PI15: variants seen among roughly 807,000 people sequenced by gnomAD.
PI15 encodes 25 kDa trypsin inhibitor.
A neutral mutation model predicts 31.0 loss-of-function variants in PI15; 18 were observed. The observed-to-expected ratio is 0.58, with a 90% CI of 0.40 to 0.86. PI15 has a LOEUF of 0.86. Among genes scored for constraint, PI15 ranks in the 40% least tolerant of loss-of-function variants. The probability of loss-of-function intolerance (pLI) is 0.00; values close to 1 mark genes in which losing one functional copy is unlikely to be tolerated. For synonymous variants in PI15, 118 were observed against 119.1 expected, an observed-to-expected ratio of 0.99 and a Z score of 0.06; for missense variants, 282 against 328.1, an observed-to-expected ratio of 0.86 and a Z score of 1.09.
At chr8:74,824,871 G>T in intron 1 of PI15, 196 bp downstream of exon 1, 1 of 197,964 alleles carries the variant, frequency 5.1e-6, no homozygotes. Context: ...CACTCTCCAG[G>T]TGAATTTCAA....
intron 2 of PI15, 106 bp downstream of exon 2, chr8:74,825,628 T>C: frequency 1.1e-6 from 1 of 884,556 alleles, no homozygotes; most frequent in Non-Finnish European, 1.7e-6. Flanking sequence ...TCCGGGTATA[T>C]GGACTTTTTA....
intron 5 of PI15, chr8:74,845,792 A>T (rs1811017494): frequency 3.3e-6 from 1 of 301,350 alleles, no homozygotes; most frequent in East Asian, 6.1e-5. Context: ...ACTGTACCAC[A>T]CAAGCTTTTA....
chr8:74,836,819 T>G (rs1810879477), intron 2 of PI15, among the ~76,000 whole-genome samples: 7 of 150,874 alleles, frequency 4.6e-5, no homozygotes, highest in Admixed American at 2.0e-4. Flanking sequence ...TTGGGTGGAG[T>G]GGGGATGGGG....
At chr8:74,844,383 T>C (rs954513708) in intron 3 of PI15, among the ~76,000 whole-genome samples, 9 of 152,002 alleles carry the variant, frequency 5.9e-5, no homozygotes, top group African/African-American at 2.2e-4. Context: ...GTGCTGTATC[T>C]TGCCCCCTCC....
chr8:74,845,507 A>G lies in PI15; in HGVS notation c.641+10A>G, dbSNP rs1236266737. 6.5e-7 allele frequency: 1 copy of G among 1,529,410 alleles called. No homozygotes were observed. Among genetic ancestry groups the G allele is most frequent in the South Asian group, 1.1e-5 (1 of 89,254 alleles). 94.7% of individuals were successfully genotyped at this position (1,529,410 alleles called of 1,614,324 possible). Reference sequence around the variant, plus strand: ...GCAACTATGCCCCAAAGTAAGTACCAGGTTGGATTCTATTTCCTGGATCCT... The same window carrying G: ...GCAACTATGCCCCAAAGTAAGTACCGGGTTGGATTCTATTTCCTGGATCCT... On this transcript the variant is annotated intron_variant, in intron 5 of 5. Coordinates refer to ENST00000260113, the MANE Select transcript of PI15 (RefSeq NM_015886.5).
intron 2 of PI15, among the ~76,000 whole-genome samples, chr8:74,825,912 A>G (rs1810692525): frequency 6.6e-6 from 1 of 152,108 alleles, no homozygotes; most frequent in Non-Finnish European, 1.5e-5. Flanking sequence ...AGTCATATTT[A>G]TCAGCTATAT....
intron 2 of PI15, among the ~76,000 whole-genome samples, chr8:74,835,644 T>C (rs1810851873): frequency 1.3e-5 from 2 of 152,206 alleles, no homozygotes; most frequent in Admixed American, 6.5e-5. Flanking sequence ...GTGAGCACTA[T>C]GGGTGAGCTA....
chr8:74,848,502 A>G (rs982988982), intron 5 of PI15, among the ~76,000 whole-genome samples: 7 of 151,670 alleles, frequency 4.6e-5, no homozygotes, highest in African/African-American at 1.5e-4. Context: ...TCAGATGAGC[A>G]TTAGTGTGAG....
In PI15 at chr8:74,850,731, T is replaced by C. The variant is rs1811093664; in HGVS notation, c.*1478T>C. 2 of 152,156 alleles carry C rather than the reference T, an allele frequency of 1.3e-5. No individual in the cohort carries two copies. Among genetic ancestry groups the C allele is most frequent in the South Asian group, 2.1e-4 (1 of 4,834 alleles). The allele number at this position is 152,156 out of a possible 1,614,324, so 9.4% of individuals were successfully genotyped here. ...AATCCATTCAAAGTCACTATGAAAA[T>C]TTTACTCATGTAGTTTGGAAATGCA... On this transcript the variant is annotated 3_prime_UTR_variant, in exon 6 of 6. Transcript: ENST00000260113.
At chr8:74,839,511 A>G (rs1810915126) in intron 2 of PI15, among the ~76,000 whole-genome samples, 1 of 152,164 alleles carries the variant, frequency 6.6e-6, no homozygotes, top group Non-Finnish European at 1.5e-5. Context: ...TCTTGTAAAT[A>G]TTTGTGCATA....
chr8:74,833,826 G>A (rs1810822932), intron 2 of PI15, among the ~76,000 whole-genome samples: 1 of 152,184 alleles, frequency 6.6e-6, no homozygotes, highest in African/African-American at 2.4e-5. Flanking sequence ...CTGACAACAA[G>A]CCCATGCTTT....
intron 3 of PI15, among the ~76,000 whole-genome samples, chr8:74,844,605 A>G (rs554819283): frequency 2.0e-5 from 3 of 152,268 alleles, no homozygotes; most frequent in Admixed American, 2.0e-4. Context: ...GGGAAAAGCT[A>G]TTCCCATTTG....
Position 74,825,228 on chromosome 8 carries a change from C to G in PI15, c.-22C>G. The G allele has an allele frequency of 6.2e-7, 1 of 1,608,974 alleles. No individual in the cohort carries two copies. The highest frequency in any genetic ancestry group is 1.1e-5 in the South Asian group (1 of 90,946). The stretch of plus-strand genomic sequence containing the variant: ...TTTAAAGCAAAGTAAACTCGGTGGC[C>G]TCTTCTTCTCCACCCCTCAAAATGA... On this transcript the variant is annotated 5_prime_UTR_variant, in exon 2 of 6. Transcript: ENST00000260113.
At chr8:74,841,984 G>A (rs934864180) in intron 2 of PI15, among the ~76,000 whole-genome samples, 27 of 151,982 alleles carry the variant, frequency 1.8e-4, no homozygotes, top group African/African-American at 6.5e-4. Flanking sequence ...TAGGCCTCCT[G>A]AGGTAAGAGG....
At chr8:74,848,891 G>A (rs578016379) in intron 5 of PI15, among the ~76,000 whole-genome samples, 4 of 151,544 alleles carry the variant, frequency 2.6e-5, no homozygotes, top group East Asian at 1.9e-4. Flanking sequence ...CCGCCACTAC[G>A]CCCAGCTAAT....
rs1423456084 is a variant in PI15 at position 74,849,840 on chromosome 8, C to A, written c.*587C>A. On this transcript the variant is annotated 3_prime_UTR_variant, in exon 6 of 6. Coordinates refer to ENST00000260113, the MANE Select transcript of PI15 (RefSeq NM_015886.5). ...AAATAATAATTCAATTAAGCAACCA[C>A]GAATTTCACCCTGGAGATATTTTTT... 1.3e-5 allele frequency: 2 copies of A among 152,142 alleles called. No homozygotes were observed. The highest frequency in any genetic ancestry group is 4.8e-5 in the African/African-American group (2 of 41,434). 9.4% of individuals were successfully genotyped at this position (152,142 alleles called of 1,614,324 possible). A position where few individuals can be genotyped will look rare whatever the true frequency, so the allele number is the denominator to read the frequency against.
intron 2 of PI15, among the ~76,000 whole-genome samples, chr8:74,828,750 T>G (rs1026057872): frequency 1.3e-5 from 2 of 152,086 alleles, no homozygotes; most frequent in Non-Finnish European, 2.9e-5. Context: ...CCAAGGGAAC[T>G]TAACAGAAGA....
intron 2 of PI15, among the ~76,000 whole-genome samples, chr8:74,832,519 A>AC (rs1563565692): frequency 6.6e-6 from 1 of 150,830 alleles, no homozygotes; most frequent in South Asian, 2.1e-4. Flanking sequence ...GCAAGAAAAT[A>AC]CCCCCCTCTG....
Position 74,849,150 on chromosome 8 carries a change from T to G in PI15, c.674T>G (p.Val225Gly), listed in dbSNP as rs1811069029. ...TGGATTGGAGAAGCACCATATAAAG[T>G]AGGGGTACCATGTTCATCTTGTCCT... is the stretch of plus-strand genomic sequence containing the variant. Reference protein sequence around the residue: ...GNWIGEAPYKVGVPCSSCPPS... With the variant: ...GNWIGEAPYKGGVPCSSCPPS... Residue 225 changes from valine to glycine, a missense_variant, in exon 6 of 6, where the codon GTA (valine) becomes GGA (glycine). Physicochemically the swap from Val to Gly is moderately radical, Grantham distance 109. Transcript: ENST00000260113. The G allele has an allele frequency of 6.2e-7, 1 of 1,612,946 alleles. No individual in the cohort carries two copies. Among genetic ancestry groups the G allele is most frequent in the Non-Finnish European group, 8.5e-7 (1 of 1,179,236 alleles).
Sources: allele counts gnomAD v4.1 joint callset (sites outside exome capture counted in the v4.1 genomes callset), GRCh38; gene constraint gnomAD v4.1.1; transcripts MANE v1.5; gene names NCBI Gene and HGNC (gene_info 2026-07-23, HGNC 2026-07-21).